ZNF451: variants seen among roughly 807,000 people sequenced by gnomAD.
ZNF451 encodes the protein zinc finger protein 451.
Under a neutral mutation model 107.1 loss-of-function variants are expected in ZNF451, and 80 were observed. The observed-to-expected ratio is 0.75, with a 90% confidence interval of 0.62 to 0.90. ZNF451 has a LOEUF of 0.90. Among genes scored for constraint, ZNF451 ranks in the 40% least tolerant of loss-of-function variants. The pLI, the probability that ZNF451 is intolerant of heterozygous loss-of-function variation, is 0.00. For synonymous variants in ZNF451, 362 were observed against 406.5 expected (o/e 0.89, Z 1.32); for missense variants, 1,107 against 1,236.2 (o/e 0.90, Z 1.57).
At chr6:57,130,224 C>G (rs909722029) in intron 5 of ZNF451, among the ~76,000 whole-genome samples, 3 of 152,066 alleles carry the variant, frequency 2.0e-5, no homozygotes, top group African/African-American at 7.2e-5. Context: ...AACTTGGGCT[C>G]CAAATCTGAC....
chr6:57,105,403 CTT>C, intron 3 of ZNF451: 1 of 985,188 alleles, frequency 1.0e-6, no homozygotes, highest in Middle Eastern at 5.2e-4. Flanking sequence ...TAATTCTACA[CTT>C]TTCTTTAAAA....
intron 3 of ZNF451, chr6:57,115,950 T>G (rs1312614161): frequency 6.6e-6 from 1 of 152,080 alleles, no homozygotes; most frequent in Non-Finnish European, 1.5e-5. Flanking sequence ...AAAATGAAAC[T>G]TAAAAAAAAT....
chr6:57,124,132 G>T (rs1830787123), intron 3 of ZNF451, among the ~76,000 whole-genome samples: 6 of 152,108 alleles, frequency 3.9e-5, no homozygotes, highest in Admixed American at 3.9e-4. Flanking sequence ...TTAGCTGTAG[G>T]TTTTTTGTAG....
At chr6:57,159,673 T>A (rs1315200493) in intron 13 of ZNF451, among the ~76,000 whole-genome samples, 3 of 152,152 alleles carry the variant, frequency 2.0e-5, no homozygotes, top group Non-Finnish European at 4.4e-5. Context: ...AGGTTTAATT[T>A]TGTTCTTTAA....
chr6:57,167,507 A>G (rs752836644), intron 14 of ZNF451, among the ~76,000 whole-genome samples: 1 of 152,158 alleles, frequency 6.6e-6, no homozygotes, highest in African/African-American at 2.4e-5. Flanking sequence ...AACTGATCCT[A>G]GAGTGTAGCT....
At chr6:57,105,390 T>G in intron 3 of ZNF451, 1 of 985,150 alleles carries the variant, frequency 1.0e-6, no homozygotes, top group South Asian at 4.7e-5. Flanking sequence ...TGAAGTGCCT[T>G]TTTAATTCTA....
At chr6:57,106,404 G>A in intron 3 of ZNF451, 1 of 721,016 alleles carries the variant, frequency 1.4e-6, no homozygotes, top group Non-Finnish European at 1.7e-6. Flanking sequence ...CCACCTCCCG[G>A]GTTCAAGCAA....
At chr6:57,104,028 TAATA>T in intron 3 of ZNF451, 1 of 985,156 alleles carries the variant, frequency 1.0e-6, no homozygotes, top group Non-Finnish European at 1.2e-6. Context: ...GAACTAGTCT[TAATA>T]AAGGGGATAT....
rs1475148683 is a variant in ZNF451, at chr6:57,105,048, A to G, written c.186+5907A>G. ...TGGCATACTTGAATGATAATGTTAT[A>G]AAACTTAAAGTGAGGATTTGGTCTA... On this transcript the variant is annotated intron_variant, in intron 3 of 14. Transcript: ENST00000370706. 7.1e-6 allele frequency: 7 copies of G among 985,058 alleles called. No homozygotes were observed. In the Admixed American group the frequency reaches 3.7e-4, roughly 52 times the overall value. The allele number at this position is 985,058 out of a possible 1,614,324, so 61.0% of individuals were successfully genotyped here. A position where few individuals can be genotyped will look rare whatever the true frequency, so the allele number is the denominator to read the frequency against.
At chr6:57,158,575 A>G in intron 13 of ZNF451, 5 of 985,458 alleles carry the variant, frequency 5.1e-6, no homozygotes, top group Non-Finnish European at 6.0e-6. Flanking sequence ...TTATTGGAGT[A>G]CTGCAACATG....
intron 6 of ZNF451, 97 bp from the exon 7 acceptor site, chr6:57,134,647 T>C: frequency 9.7e-7 from 1 of 1,030,994 alleles, no homozygotes; most frequent in Non-Finnish European, 1.4e-6. Flanking sequence ...GTTCTGAATG[T>C]GTGTGTATGT....
chr6:57,105,242 T>C (rs546891383), intron 3 of ZNF451: 1 of 985,274 alleles, frequency 1.0e-6, no homozygotes, highest in Non-Finnish European at 1.2e-6. Flanking sequence ...TTTAATGATC[T>C]GGTATTCTCA....
chr6:57,136,812 T>G (rs1043258976), intron 7 of ZNF451, among the ~76,000 whole-genome samples: 9 of 152,192 alleles, frequency 5.9e-5, no homozygotes, highest in African/African-American at 2.2e-4. Flanking sequence ...TTCATTAATT[T>G]GTTTTTTCTT....
intron 14 of ZNF451, 49 bp downstream of exon 14, chr6:57,161,201 T>C: frequency 2.6e-6 from 3 of 1,150,874 alleles, no homozygotes; most frequent in Non-Finnish European, 3.6e-6. Context: ...ATCTGTATTT[T>C]TTTTTTAAAT....
At chr6:57,118,514 AAG>A (rs1830478101) in intron 3 of ZNF451, among the ~76,000 whole-genome samples, 1 of 152,036 alleles carries the variant, frequency 6.6e-6, no homozygotes, top group Admixed American at 6.5e-5. Context: ...CTTTTTTTAG[AAG>A]AGAGTCTTGC....
intron 2 of ZNF451, among the ~76,000 whole-genome samples, chr6:57,095,971 A>G (rs959029664): frequency 1.3e-5 from 2 of 151,158 alleles, no homozygotes; most frequent in African/African-American, 4.9e-5. Context: ...TTACAGATGT[A>G]CACCACCACG....
intron 5 of ZNF451, 65 bp from the exon 6 acceptor site, chr6:57,132,976 TG>T: frequency 1.9e-6 from 3 of 1,551,878 alleles, no homozygotes; most frequent in Non-Finnish European, 2.6e-6. Flanking sequence ...GTCCTAATTT[TG>T]ATCACTAGCC....
chr6:57,138,538 A>G (rs886747350), intron 7 of ZNF451, among the ~76,000 whole-genome samples: 1 of 151,584 alleles, frequency 6.6e-6, no homozygotes, highest in Admixed American at 6.6e-5. Flanking sequence ...CTGGGATTAC[A>G]GGCATGAGCC....
chr6:57,144,409 T>A lies in ZNF451; in HGVS notation c.1004+2314T>A, dbSNP rs532533972. 5.4e-4 allele frequency among the ~76,000 whole-genome samples: 82 copies of A among 151,250 alleles called. 1 individual carries two copies. Among genetic ancestry groups the A allele is most frequent in the African/African-American group, 1.9e-3 (78 of 41,234 alleles). On this transcript the variant is annotated intron_variant, in intron 9 of 14. Coordinates refer to ENST00000370706, the MANE Select transcript of ZNF451 (RefSeq NM_001031623.3). ...GTGTGTGCCACCATACCTGGCTGAG[T>A]TTTGTATTTTTTGTAGAGACGGGGT...
Sources: gnomAD v4.1 joint callset for allele counts (sites outside exome capture counted in the v4.1 genomes callset) on GRCh38, gnomAD v4.1.1 for gene constraint, MANE v1.5 for transcripts, NCBI Gene and HGNC (gene_info 2026-07-23, HGNC 2026-07-21) for gene names.